SH3D19: variants seen among roughly 807,000 people sequenced by gnomAD.
SH3D19 encodes the protein SH3 domain containing 19, also known as SH3 domain-containing protein 19.
A neutral mutation model predicts 112.1 loss-of-function variants in SH3D19; 58 were observed. The observed-to-expected ratio is 0.52, with a 90% CI of 0.42 to 0.64. SH3D19 has a LOEUF of 0.64. Ranked by LOEUF, SH3D19 falls within the 30% of genes least tolerant of loss-of-function variation. The pLI, the probability that SH3D19 is intolerant of heterozygous loss-of-function variation, is 0.00. For missense variants in SH3D19, 1,090 were observed against 1,263.4 expected (o/e 0.86, Z 2.08); for synonymous variants, 391 against 448.5 (o/e 0.87, Z 1.62).
At chr4:151,290,227 G>A (rs759160571) in intron 1 of SH3D19, among the ~76,000 whole-genome samples, 4 of 152,096 alleles carry the variant, frequency 2.6e-5, no homozygotes, top group African/African-American at 4.8e-5. Context: ...TTACAGACAC[G>A]AACCATCATG....
At chr4:151,220,401 G>T (rs540240319) in intron 2 of SH3D19, among the ~76,000 whole-genome samples, 1 of 152,204 alleles carries the variant, frequency 6.6e-6, no homozygotes, top group Admixed American at 6.5e-5. Flanking sequence ...TAGATTTAAG[G>T]TTCTTTGTTT....
chr4:151,122,866 T>A (rs1748300214), intron 19 of SH3D19, among the ~76,000 whole-genome samples: 1 of 150,468 alleles, frequency 6.6e-6, no homozygotes, highest in African/African-American at 2.4e-5. Context: ...TTTTTTTTTT[T>A]TTTGAGACGG....
In SH3D19 at chr4:151,165,637, G is replaced by T; in HGVS notation, c.1594C>A (p.Pro532Thr). Residue 532 changes from proline (P) to threonine (T), a missense_variant, in exon 8 of 20, where the codon CCC (proline) becomes ACC (threonine). Transcript: ENST00000604030. ...CGAATTACAGTGGGCTTCCTGGTGGGTGCTGGTTGAACTGCTCGTTCTTTT... is the reference window on the plus strand; with the variant it reads ...CGAATTACAGTGGGCTTCCTGGTGGTTGCTGGTTGAACTGCTCGTTCTTTT... ...PIKERAVQPA[P>T]TRKPTVIRIP... 6.2e-7 allele frequency: 1 copy of T among 1,614,144 alleles called. No homozygotes were observed. The highest frequency in any genetic ancestry group is 2.2e-5 in the East Asian group (1 of 44,880).
At chr4:151,228,964 C>T (rs1251442638) in intron 1 of SH3D19, among the ~76,000 whole-genome samples, 3 of 151,888 alleles carry the variant, frequency 2.0e-5, no homozygotes, top group Non-Finnish European at 4.4e-5. Flanking sequence ...AAGTGATCCT[C>T]CCATCTCAGC....
At chr4:151,135,964 G>A (rs1171975571) in intron 14 of SH3D19, among the ~76,000 whole-genome samples, 1 of 151,240 alleles carries the variant, frequency 6.6e-6, no homozygotes, top group African/African-American at 2.4e-5. Context: ...TCCGGCCCGG[G>A]TGACAACAGC....
intron 19 of SH3D19, among the ~76,000 whole-genome samples, chr4:151,123,532 G>A (rs571685731): frequency 6.6e-5 from 10 of 152,158 alleles, no homozygotes; most frequent in East Asian, 1.9e-4. Context: ...GCACGATCTC[G>A]GCTCACTGCA....
At chr4:151,177,311 C>G (rs1760104558) in intron 4 of SH3D19, among the ~76,000 whole-genome samples, 1 of 152,134 alleles carries the variant, frequency 6.6e-6, no homozygotes, top group Non-Finnish European at 1.5e-5. Context: ...GGTATAAAAG[C>G]CCATTAGTCA....
At chr4:151,210,425 A>G in intron 2 of SH3D19, among the ~76,000 whole-genome samples, 1 of 143,896 alleles carries the variant, frequency 6.9e-6, no homozygotes, top group African/African-American at 2.6e-5. Flanking sequence ...TTTTTTTGAG[A>G]CAGAGTCTCG....
chr4:151,137,737 C>T lies in SH3D19; in HGVS notation c.2422G>A (p.Val808Met). 2.5e-6 allele frequency: 4 copies of T among 1,597,360 alleles called. No individual in the cohort carries two copies. The highest frequency in any genetic ancestry group is 3.4e-6 in the Non-Finnish European group (4 of 1,173,470). ...IGIFPANYVK[V>M]IIDIPEGGNG... ...AACAAACACAACCCACTTACAATCA[C>T]TTTGACATAGTTGGCAGGAAATATG... The change falls in exon 14 of 20, where the codon GTG (valine) becomes ATG (methionine). Residue 808 changes from valine to methionine, a missense_variant. By Grantham distance (21) the Val-to-Met change is conservative. Coordinates refer to ENST00000604030, the MANE Select transcript of SH3D19 (RefSeq NM_001378122.1).
chr4:151,226,819 T>C (rs1472628221), intron 1 of SH3D19, among the ~76,000 whole-genome samples: 1 of 152,210 alleles, frequency 6.6e-6, no homozygotes, highest in Non-Finnish European at 1.5e-5. Context: ...AGAGCACAGA[T>C]GCTTGAACTT....
At chr4:151,282,372 T>G (rs747329399) in intron 1 of SH3D19, 42 of 1,613,730 alleles carry the variant, frequency 2.6e-5, no homozygotes, top group Non-Finnish European at 3.1e-5. Flanking sequence ...ATTCCACCCT[T>G]TTGTTGGGTG....
intron 1 of SH3D19, among the ~76,000 whole-genome samples, chr4:151,246,197 A>G (rs1373011218): frequency 6.6e-6 from 1 of 152,220 alleles, no homozygotes; most frequent in Non-Finnish European, 1.5e-5. Flanking sequence ...TGAATCTGAA[A>G]AGGAAAACCT....
At chr4:151,299,633 T>TGC (rs5862958) in intron 1 of SH3D19, among the ~76,000 whole-genome samples, 1 of 150,066 alleles carries the variant, frequency 6.7e-6, no homozygotes, top group Non-Finnish European at 1.5e-5. Context: ...CAAAGCCAAG[T>TGC]TTGGATTTTA....
At chr4:151,300,236 G>C (rs1728253522) in intron 1 of SH3D19, among the ~76,000 whole-genome samples, 1 of 151,950 alleles carries the variant, frequency 6.6e-6, no homozygotes, top group Admixed American at 6.6e-5. Flanking sequence ...TTTCTTTACA[G>C]CCCTTCTGAG....
intron 2 of SH3D19, among the ~76,000 whole-genome samples, chr4:151,221,720 C>G (rs1299137720): frequency 6.6e-6 from 1 of 152,054 alleles, no homozygotes; most frequent in Non-Finnish European, 1.5e-5. Context: ...GTTACCAAGA[C>G]CAATAGCACA....
At chr4:151,288,122 GT>G (rs1443007035) in intron 1 of SH3D19, among the ~76,000 whole-genome samples, 22 of 151,992 alleles carry the variant, frequency 1.4e-4, no homozygotes, top group African/African-American at 5.3e-4. Context: ...GATGAGTGGA[GT>G]TTTTCAACTC....
Position 151,160,075 on chromosome 4 carries a change from T to C in SH3D19, c.1643-723A>G, listed in dbSNP as rs150337365. Among the ~76,000 whole-genome samples, 62 of 151,816 alleles carry C rather than the reference T, an allele frequency of 4.1e-4. 1 individual carries two copies. The East Asian group carries it at 0.01, about 25-fold the overall frequency. On this transcript the variant is annotated intron_variant, in intron 8 of 19. Coordinates refer to ENST00000604030, the MANE Select transcript of SH3D19 (RefSeq NM_001378122.1). Reference sequence around the variant, plus strand: ...ACTCCCTCATCCAAAAATAATTCAATGTGTTTTATTTCTTTTTTTTTTTTT... The same window carrying C: ...ACTCCCTCATCCAAAAATAATTCAACGTGTTTTATTTCTTTTTTTTTTTTT...
chr4:151,227,964 C>T (rs1769257607), intron 1 of SH3D19: 3 of 985,404 alleles, frequency 3.0e-6, no homozygotes, highest in Non-Finnish European at 3.6e-6. Context: ...AGGGCCTGTT[C>T]TGATTGGCAG....
chr4:151,226,189 G>A, intron 1 of SH3D19, 103 bp from the exon 2 acceptor site: 1 of 1,228,916 alleles, frequency 8.1e-7, no homozygotes, highest in East Asian at 3.2e-5. Context: ...ACAAAGGACT[G>A]TTCAAAGGTA....
Sources: gnomAD v4.1 joint callset for allele counts (sites outside exome capture counted in the v4.1 genomes callset) on GRCh38, gnomAD v4.1.1 for gene constraint, MANE v1.5 for transcripts, NCBI Gene and HGNC (gene_info 2026-07-23, HGNC 2026-07-21) for gene names.